Variants in SYNPR observed in about 807,000 individuals in gnomAD.
SYNPR encodes the protein synaptoporin.
In SYNPR, 23 loss-of-function variants were observed where a neutral mutation model predicts 32.9. The ratio of observed to expected loss-of-function variants is 0.70; its 90% CI spans 0.50 to 0.99. The LOEUF (loss-of-function observed/expected upper bound fraction) is 0.99. SYNPR is among the 50% of genes least tolerant of loss of function. The pLI is 0.00. For missense variants in SYNPR, 318 were observed against 349.3 expected (o/e 0.91, Z 0.71); for synonymous variants, 146 against 135.9 (o/e 1.07, Z -0.52).
Position 63,285,009 on chromosome 3 carries a change from C to T in SYNPR, c.84+6267C>T, listed in dbSNP as rs192749171. Among the ~76,000 whole-genome samples the T allele has an allele frequency of 1.1e-4, 17 of 152,336 alleles. 1 individual carries two copies. The South Asian group carries it at 3.1e-3, about 28-fold the overall frequency. On this transcript the variant is annotated intron_variant, in intron 2 of 5. Transcript: ENST00000478300. The stretch of plus-strand genomic sequence containing the variant: ...AAGATTTGAGCAGCCTCACTCCCAA[C>T]TTCATTCTCTTAAATGCTACACTCC...
chr3:63,453,447 C>T (rs1397883351), intron 2 of SYNPR, among the ~76,000 whole-genome samples: 2 of 152,042 alleles, frequency 1.3e-5, no homozygotes, highest in Non-Finnish European at 2.9e-5. Context: ...TAAAAGTAGA[C>T]CTGTCAGAAT....
intron 2 of SYNPR, among the ~76,000 whole-genome samples, chr3:63,365,763 G>T (rs886842750): frequency 6.6e-6 from 1 of 152,156 alleles, no homozygotes. Context: ...CGATATATAC[G>T]TATGTGCACG....
intron 4 of SYNPR, among the ~76,000 whole-genome samples, chr3:63,569,756 A>T (rs762075145): frequency 5.3e-5 from 8 of 152,212 alleles, no homozygotes; most frequent in Non-Finnish European, 8.8e-5. Flanking sequence ...AAAACCATTA[A>T]CAGCTCCTCT....
chr3:63,540,141 G>T (rs966800655), intron 3 of SYNPR, among the ~76,000 whole-genome samples: 12 of 152,078 alleles, frequency 7.9e-5, no homozygotes, highest in Non-Finnish European at 1.5e-4. Flanking sequence ...TGCCAGGCAT[G>T]GTGCTAAGCT....
chr3:63,201,465 G>A, the SYNPR span, among the ~76,000 whole-genome samples: 2 of 152,150 alleles, frequency 1.3e-5, no homozygotes, highest in African/African-American at 4.8e-5. Context: ...AAGGCAAGCT[G>A]AAATCTACTT....
the SYNPR span, among the ~76,000 whole-genome samples, chr3:63,202,604 A>G: frequency 1.2e-4 from 1 of 8,008 alleles, no homozygotes; most frequent in South Asian, 2.0e-3. Flanking sequence ...ATTATTTTTA[A>G]AAAACCTCTC....
chr3:63,598,732 A>C (rs751868193), intron 4 of SYNPR, among the ~76,000 whole-genome samples: 3 of 152,316 alleles, frequency 2.0e-5, no homozygotes, highest in Admixed American at 2.0e-4. Context: ...TTTTGGAAGC[A>C]CTGAAGCACA....
chr3:63,252,204 A>G (rs1177381000), intron 1 of SYNPR, among the ~76,000 whole-genome samples: 1 of 152,194 alleles, frequency 6.6e-6, no homozygotes, highest in East Asian at 1.9e-4. Flanking sequence ...TGTTTCAAGG[A>G]TATGAATGAC....
intron 4 of SYNPR, among the ~76,000 whole-genome samples, chr3:63,559,322 G>A (rs1702646671): frequency 6.6e-6 from 1 of 151,998 alleles, no homozygotes; most frequent in Non-Finnish European, 1.5e-5. Context: ...AAGCAATCTA[G>A]CAGCCTTGGC....
chr3:63,446,411 G>A (rs1700277358), intron 2 of SYNPR, among the ~76,000 whole-genome samples: 1 of 151,954 alleles, frequency 6.6e-6, no homozygotes, highest in Non-Finnish European at 1.5e-5. Context: ...CAATAAGCAT[G>A]CTGAGAAGCG....
intron 2 of SYNPR, among the ~76,000 whole-genome samples, chr3:63,402,064 C>T (rs956776744): frequency 5.9e-5 from 9 of 152,266 alleles, no homozygotes; most frequent in African/African-American, 2.2e-4. Flanking sequence ...ATACTCAAGC[C>T]TACATGCTCA....
intron 2 of SYNPR, among the ~76,000 whole-genome samples, chr3:63,288,850 A>C (rs537035520): frequency 4.6e-4 from 70 of 152,292 alleles, no homozygotes; most frequent in African/African-American, 1.6e-3. Context: ...GAGGAGGGGA[A>C]AAAGAGGAAT....
intron 3 of SYNPR, among the ~76,000 whole-genome samples, chr3:63,537,791 G>T (rs1422139425): frequency 6.6e-6 from 1 of 152,070 alleles, no homozygotes; most frequent in Non-Finnish European, 1.5e-5. Flanking sequence ...CCTTCTAAAT[G>T]TGAGCTTTTA....
chr3:63,553,727 TTTTG>T (rs1293641927), intron 3 of SYNPR, among the ~76,000 whole-genome samples: 1 of 152,178 alleles, frequency 6.6e-6, no homozygotes, highest in Non-Finnish European at 1.5e-5. Context: ...TGTTTGTTTG[TTTTG>T]TTTTTTTGAG....
At chr3:63,327,126 A>G (rs1194720917) in intron 2 of SYNPR, among the ~76,000 whole-genome samples, 1 of 152,112 alleles carries the variant, frequency 6.6e-6, no homozygotes, top group Non-Finnish European at 1.5e-5. Flanking sequence ...TTGGGAGGGG[A>G]AATAGTTATT....
intron 2 of SYNPR, 110 bp downstream of exon 2, chr3:63,278,852 C>A (rs2086601638): frequency 1.6e-6 from 2 of 1,227,382 alleles, no homozygotes; most frequent in African/African-American, 3.4e-5. Context: ...GGAGATTCAA[C>A]CCTCAAGCCG....
intron 2 of SYNPR, among the ~76,000 whole-genome samples, chr3:63,381,133 A>T (rs1282585182): frequency 8.5e-5 from 13 of 152,190 alleles, no homozygotes; most frequent in Non-Finnish European, 8.8e-5. Context: ...GCAGATGATA[A>T]GATTGTATAT....
chr3:63,479,199 T>G (rs550907023), intron 2 of SYNPR, among the ~76,000 whole-genome samples: 97 of 152,336 alleles, frequency 6.4e-4, no homozygotes, highest in African/African-American at 2.2e-3. Context: ...CAGACAGATT[T>G]GGCTAGGGAT....
intron 2 of SYNPR, among the ~76,000 whole-genome samples, chr3:63,321,125 T>C (rs1360520045): frequency 6.6e-6 from 1 of 152,072 alleles, no homozygotes; most frequent in African/African-American, 2.4e-5. Flanking sequence ...ACCCCCAAGA[T>C]ATTTCTTTCA....
Sources: gnomAD v4.1 joint callset for allele counts (sites outside exome capture counted in the v4.1 genomes callset) on GRCh38, gnomAD v4.1.1 for gene constraint, MANE v1.5 for transcripts, NCBI Gene and HGNC (gene_info 2026-07-23, HGNC 2026-07-21) for gene names.